Variants in SLC24A1 observed in about 807,000 individuals in gnomAD.
SLC24A1 encodes solute carrier family 24 member 1.
Under a neutral mutation model 88.1 loss-of-function variants are expected in SLC24A1, and 52 were observed. The ratio of observed to expected loss-of-function variants is 0.59; its 90% confidence interval spans 0.47 to 0.74. The LOEUF (loss-of-function observed/expected upper bound fraction) is 0.74. Among genes scored for constraint, SLC24A1 ranks in the 30% least tolerant of loss-of-function variants. The probability of loss-of-function intolerance (pLI) is 0.00; values close to 1 mark genes in which losing one functional copy is unlikely to be tolerated. For synonymous variants in SLC24A1, 455 were observed against 498.0 expected, an observed-to-expected ratio of 0.91 and a Z score of 1.15; for missense variants, 1,173 against 1,363.3, an observed-to-expected ratio of 0.86 and a Z score of 2.20.
intron 4 of SLC24A1, 153 bp from the exon 5 acceptor site, chr15:65,644,274 G>A: frequency 1.5e-6 from 1 of 678,128 alleles, no homozygotes; most frequent in Non-Finnish European, 2.7e-6. Flanking sequence ...AGGCCTCGTA[G>A]GATCAGAATC....
At chr15:65,639,198 T>C (rs1390814126) in intron 3 of SLC24A1, among the ~76,000 whole-genome samples, 1 of 152,018 alleles carries the variant, frequency 6.6e-6, no homozygotes, top group African/African-American at 2.4e-5. Flanking sequence ...TGATAAAACG[T>C]GATAATGCTC....
chr15:65,648,736 A>G (rs1015421155), intron 6 of SLC24A1, among the ~76,000 whole-genome samples: 37 of 151,822 alleles, frequency 2.4e-4, no homozygotes, highest in African/African-American at 6.5e-4. Context: ...TCCTGACCTC[A>G]TGATCCGCCC....
rs1382381195 is a variant in SLC24A1, at chr15:65,644,411, C to T, written c.2054-16C>T. On this transcript the variant is annotated splice_polypyrimidine_tract_variant and intron_variant, in intron 4 of 9. Transcript: ENST00000261892. The stretch of plus-strand genomic sequence containing the variant: ...CTACAATTCCAGGTAAGATGTATGT[C>T]CTGTCTCATTTGCAGTTCGCCTTGC... 1.3e-6 allele frequency: 2 copies of T among 1,543,716 alleles called. No individual in the cohort carries two copies. The highest frequency in any genetic ancestry group is 1.8e-6 in the Non-Finnish European group (2 of 1,132,632).
At chr15:65,621,015 G>A (rs577323384), upstream of SLC24A1, among the ~76,000 whole-genome samples, 20 of 152,296 alleles carry the variant, frequency 1.3e-4, 1 homozygote, top group African/African-American at 4.8e-4. Context: ...CACAGTGGGT[G>A]GGCCCTTCTG....
Position 65,654,887 on chromosome 15 carries a change from C to T in SLC24A1, c.*808C>T, listed in dbSNP as rs1258764349. On this transcript the variant is annotated 3_prime_UTR_variant, in exon 10 of 10. Transcript: ENST00000261892. ...TGCTGGGATTACAGGCGTCAGCCAC[C>T]GCGCCTGGCCTATACCAGTATTTTC... 5.1e-6 allele frequency: 6 copies of T among 1,177,178 alleles called. No individual in the cohort carries two copies. The highest frequency in any genetic ancestry group is 3.2e-5 in the South Asian group (2 of 62,190). 72.9% of individuals were successfully genotyped at this position (1,177,178 alleles called of 1,614,324 possible).
chr15:65,645,255 A>C (rs2075264893), intron 5 of SLC24A1, among the ~76,000 whole-genome samples: 1 of 152,168 alleles, frequency 6.6e-6, no homozygotes. Flanking sequence ...CTGCCTTTGG[A>C]ATCAGCAGGA....
intron 6 of SLC24A1, among the ~76,000 whole-genome samples, chr15:65,647,540 C>T (rs2075347707): frequency 6.6e-6 from 1 of 151,128 alleles, no homozygotes; most frequent in African/African-American, 2.4e-5. Flanking sequence ...AACCCAGCTC[C>T]TTGGTCAAGA....
At position 65,654,135 on chromosome 15, in the gene SLC24A1, G is replaced by A; in HGVS notation, c.*56G>A. On this transcript the variant is annotated 3_prime_UTR_variant, in exon 10 of 10. Coordinates refer to ENST00000261892, the MANE Select transcript of SLC24A1 (RefSeq NM_004727.3). ...ATCAGAAGACCATGCAGAAGTTACT[G>A]TATCTCTTGTGACCCTAATGAAAGA... is the stretch of plus-strand genomic sequence containing the variant. The A allele has an allele frequency of 1.3e-6, 2 of 1,573,716 alleles. No homozygotes were observed. Among genetic ancestry groups the A allele is most frequent in the Middle Eastern group, 1.7e-4 (1 of 5,842 alleles).
chr15:65,638,812 G>A (rs2075024545), intron 3 of SLC24A1, among the ~76,000 whole-genome samples: 1 of 152,146 alleles, frequency 6.6e-6, no homozygotes, highest in Non-Finnish European at 1.5e-5. Flanking sequence ...AGGGATGAGG[G>A]GGAAGAAAGG....
Position 65,625,659 on chromosome 15 carries a change from A to G in SLC24A1, c.1579A>G (p.Thr527Ala), listed in dbSNP as rs781098884. Reference protein sequence around the residue: ...FISHSNVGIGTIVGSAVFNIL... With the variant: ...FISHSNVGIGAIVGSAVFNIL... ...TTCCCACAGCAACGTGGGCATTGGT[A>G]CCATTGTGGGCTCTGCTGTGTTCAA... The change falls in exon 2 of 10, where the codon ACC becomes GCC. Residue 527 changes from threonine (T) to alanine (A), a missense_variant. Thr to Ala is a moderately conservative substitution (Grantham distance 58). Transcript: ENST00000261892. The G allele has an allele frequency of 8.7e-6, 14 of 1,613,792 alleles. No homozygotes were observed. Among genetic ancestry groups the G allele is most frequent in the African/African-American group, 2.7e-5 (2 of 74,880 alleles).
upstream of SLC24A1, among the ~76,000 whole-genome samples, chr15:65,619,695 C>A (rs566190814): frequency 7.2e-5 from 11 of 152,248 alleles, no homozygotes; most frequent in South Asian, 2.3e-3. Flanking sequence ...AGTCTCGTTC[C>A]CTCTTCTTTC....
chr15:65,650,429 G>C lies in SLC24A1; in HGVS notation c.2280G>C (p.Glu760Asp). ...AESTGEMPGE[E>D]GETAGEGETE... is the part of the protein sequence containing the mutation. ...GCACAGGTGAAATGCCAGGCGAAGA[G>C]GGCGAAACTGCTGGTGAAGGTGAAA... is the stretch of plus-strand genomic sequence containing the variant. The change falls in exon 7 of 10, where the codon GAG (glutamate) becomes GAC (aspartate). Residue 760 changes from glutamate to aspartate, a missense_variant. Coordinates refer to ENST00000261892, the MANE Select transcript of SLC24A1 (RefSeq NM_004727.3). This position sits in a 1 kb window ranked among gnomAD's most constrained non-coding sequence, Gnocchi z 4.1. The C allele has an allele frequency of 1.3e-6, 2 of 1,551,704 alleles. No homozygotes were observed. The highest frequency in any genetic ancestry group is 1.7e-4 in the Middle Eastern group (1 of 5,994).
At chr15:65,641,759 C>CCA (rs2075137654) in intron 4 of SLC24A1, among the ~76,000 whole-genome samples, 1 of 152,216 alleles carries the variant, frequency 6.6e-6, no homozygotes, top group Admixed American at 6.5e-5. Context: ...AGAGGAATCA[C>CCA]TGACTCTAGC....
intron 6 of SLC24A1, among the ~76,000 whole-genome samples, chr15:65,649,314 G>A (rs1329303390): frequency 6.6e-6 from 1 of 152,036 alleles, no homozygotes; most frequent in Non-Finnish European, 1.5e-5. Flanking sequence ...TGGCCAGGCT[G>A]GTCTCAAACT....
intron 6 of SLC24A1, among the ~76,000 whole-genome samples, chr15:65,648,880 C>T (rs980277323): frequency 3.9e-5 from 6 of 152,040 alleles, no homozygotes; most frequent in Non-Finnish European, 8.8e-5. Context: ...TCTAGCGATC[C>T]TACTGCCTCA....
intron 2 of SLC24A1, among the ~76,000 whole-genome samples, chr15:65,630,941 G>A (rs1049870983): frequency 6.6e-6 from 1 of 151,914 alleles, no homozygotes; most frequent in Non-Finnish European, 1.5e-5. Context: ...ACTGCACTCC[G>A]GCCTGGGCAA....
Position 65,650,485 on chromosome 15 carries a change from C to G in SLC24A1, c.2336C>G (p.Pro779Arg). 6.4e-7 allele frequency: 1 copy of G among 1,551,466 alleles called. No individual in the cohort carries two copies. The highest frequency in any genetic ancestry group is 1.4e-5 in the African/African-American group (1 of 73,026). ...GAGAAAAGTGGAGGTGAAACTCAACCAGAAGGTGAAGGTGAAACTGAAACA... is the reference window on the plus strand; with the variant it reads ...GAGAAAAGTGGAGGTGAAACTCAACGAGAAGGTGAAGGTGAAACTGAAACA... The part of the protein sequence containing the change: ...TEEKSGGETQ[P>R]EGEGETETQG... The change falls in exon 7 of 10, where the codon CCA (proline) becomes CGA (arginine). Residue 779 changes from proline to arginine, a missense_variant. Transcript: ENST00000261892. The surrounding 1 kb of genome is among the most constrained non-coding windows in gnomAD (Gnocchi z 4.1).
rs767493049 is a variant in SLC24A1 at position 65,625,894 on chromosome 15, A to G, written c.1814A>G (p.His605Arg). Reference sequence around the variant, plus strand: ...GTGTTCACCATGAAGTGGAACAAGCATATCGAGGTCTGGGTGAAGGAGCAG... The same window carrying G: ...GTGTTCACCATGAAGTGGAACAAGCGTATCGAGGTCTGGGTGAAGGAGCAG... ...FYVFTMKWNKHIEVWVKEQLS... is the reference protein window; with the variant it reads ...FYVFTMKWNKRIEVWVKEQLS... Residue 605 changes from histidine to arginine, a missense_variant, in exon 2 of 10, where the codon CAT becomes CGT. Transcript: ENST00000261892. 4 of 1,614,020 alleles carry G rather than the reference A, an allele frequency of 2.5e-6. No individual in the cohort carries two copies. The highest frequency in any genetic ancestry group is 3.4e-6 in the Non-Finnish European group (4 of 1,179,900).
At chr15:65,613,787 C>T (rs900860637) in intron 2 of SLC24A1, among the ~76,000 whole-genome samples, 1 of 151,780 alleles carries the variant, frequency 6.6e-6, no homozygotes, top group African/African-American at 2.4e-5. Context: ...CATTTGGCCC[C>T]AAGATGATTT....
Sources: allele counts gnomAD v4.1 joint callset (sites outside exome capture counted in the v4.1 genomes callset), GRCh38; gene constraint gnomAD v4.1.1; non-coding constraint Gnocchi (gnomAD v3.1); transcripts MANE v1.5; gene names NCBI Gene and HGNC (gene_info 2026-07-23, HGNC 2026-07-21).